Variants in TMEM132D observed in about 807,000 individuals in gnomAD.
TMEM132D encodes the protein mature OL transmembrane protein.
A neutral mutation model predicts 62.3 loss-of-function variants in TMEM132D; 21 were observed. The observed-to-expected ratio is 0.34, with a 90% CI of 0.24 to 0.49. TMEM132D has a LOEUF of 0.49. Among genes scored for constraint, TMEM132D ranks in the 20% least tolerant of loss-of-function variants. The pLI is 0.99. For synonymous variants in TMEM132D, 621 were observed against 575.6 expected (o/e 1.08, Z -1.13); for missense variants, 1,346 against 1,402.8 (o/e 0.96, Z 0.65).
chr12:129,217,148 C>T (rs1380756216), intron 4 of TMEM132D, among the ~76,000 whole-genome samples: 1 of 152,094 alleles, frequency 6.6e-6, no homozygotes, highest in Non-Finnish European at 1.5e-5. Context: ...GTAATGTGAG[C>T]TGCATCAACT....
At chr12:129,348,654 G>C (rs1323699840) in intron 3 of TMEM132D, among the ~76,000 whole-genome samples, 1 of 152,136 alleles carries the variant, frequency 6.6e-6, no homozygotes, top group Admixed American at 6.5e-5. Context: ...CAAACCATAA[G>C]GCACATGCTT....
intron 2 of TMEM132D, among the ~76,000 whole-genome samples, chr12:129,664,277 GA>G (rs1235691651): frequency 6.6e-6 from 1 of 152,188 alleles, no homozygotes; most frequent in Admixed American, 6.5e-5. Flanking sequence ...TTGGGCAAGT[GA>G]AGAATCCCAC....
chr12:129,158,836 C>A (rs946793660), intron 5 of TMEM132D, among the ~76,000 whole-genome samples: 5 of 152,210 alleles, frequency 3.3e-5, no homozygotes, highest in Non-Finnish European at 7.3e-5. Context: ...ACTCACAGTT[C>A]TGCATGGCTG....
At chr12:129,364,098 A>C (rs995254641) in intron 3 of TMEM132D, among the ~76,000 whole-genome samples, 35 of 152,218 alleles carry the variant, frequency 2.3e-4, no homozygotes, top group African/African-American at 8.4e-4. Context: ...GTTCATCATG[A>C]ACACTCTCCA....
At chr12:129,403,986 A>G (rs563067235) in intron 3 of TMEM132D, among the ~76,000 whole-genome samples, 22 of 152,168 alleles carry the variant, frequency 1.4e-4, no homozygotes, top group Middle Eastern at 3.4e-3. Flanking sequence ...GCATGGAGAG[A>G]AATGAGAAAA....
chr12:129,149,173 A>G, intron 5 of TMEM132D, among the ~76,000 whole-genome samples: 1 of 151,654 alleles, frequency 6.6e-6, no homozygotes, highest in East Asian at 1.9e-4. Flanking sequence ...TGGGAGTTGA[A>G]CAATGAGAAC....
chr12:129,202,742 C>T (rs527987532), intron 5 of TMEM132D, among the ~76,000 whole-genome samples: 1 of 152,246 alleles, frequency 6.6e-6, no homozygotes, highest in East Asian at 1.9e-4. Flanking sequence ...CCTCCTATTT[C>T]CCTTCCTCAT....
intron 1 of TMEM132D, among the ~76,000 whole-genome samples, chr12:129,823,511 G>C (rs1207737460): frequency 6.6e-6 from 1 of 152,242 alleles, no homozygotes; most frequent in Non-Finnish European, 1.5e-5. Flanking sequence ...GGCCAGCCTT[G>C]CCAGCAGCCT....
intron 2 of TMEM132D, among the ~76,000 whole-genome samples, chr12:129,662,812 A>AAATAG (rs1555224287): frequency 8.5e-4 from 71 of 83,422 alleles, no homozygotes; most frequent in African/African-American, 3.5e-3. Flanking sequence ...AAAAAAAAAA[A>AAATAG]AGAGAGAGAG....
At chr12:129,289,547 T>TTA (rs1555244915) in intron 4 of TMEM132D, among the ~76,000 whole-genome samples, 1 of 92,198 alleles carries the variant, frequency 1.1e-5, no homozygotes. Flanking sequence ...TCCATCTCAA[T>TTA]AAAAAAAAAA....
chr12:129,553,909 T>C (rs972119391), intron 2 of TMEM132D, among the ~76,000 whole-genome samples: 5 of 152,206 alleles, frequency 3.3e-5, no homozygotes, highest in African/African-American at 9.6e-5. Context: ...TTCCCATGCT[T>C]TGCGTATGTC....
At chr12:129,235,741 G>A (rs1370589355) in intron 4 of TMEM132D, among the ~76,000 whole-genome samples, 1 of 152,110 alleles carries the variant, frequency 6.6e-6, no homozygotes, top group African/African-American at 2.4e-5. Flanking sequence ...GGAAGTTTAT[G>A]TAACTTTTAA....
intron 4 of TMEM132D, among the ~76,000 whole-genome samples, chr12:129,321,563 T>G (rs78600823): frequency 3.2e-4 from 43 of 135,150 alleles, no homozygotes; most frequent in African/African-American, 1.4e-3. Flanking sequence ...AGATCTTTTC[T>G]TTTTTTTTTT....
intron 1 of TMEM132D, among the ~76,000 whole-genome samples, chr12:129,879,579 A>C (rs952051712): frequency 2.6e-5 from 4 of 152,222 alleles, no homozygotes; most frequent in African/African-American, 4.8e-5. Context: ...GTGCCATGCC[A>C]GGAGACGATG....
chr12:129,864,262 T>C (rs776760646), intron 1 of TMEM132D, among the ~76,000 whole-genome samples: 15 of 152,180 alleles, frequency 9.9e-5, no homozygotes, highest in Non-Finnish European at 1.8e-4. Flanking sequence ...GGCCTTGAGA[T>C]GATTCCAGAC....
intron 2 of TMEM132D, among the ~76,000 whole-genome samples, chr12:129,698,705 G>A (rs1216934079): frequency 3.9e-5 from 1 of 25,482 alleles, no homozygotes; most frequent in Non-Finnish European, 7.6e-5. Flanking sequence ...GGAGGAGAAA[G>A]GGGAGGAAAG....
intron 4 of TMEM132D, among the ~76,000 whole-genome samples, chr12:129,273,679 T>G (rs1566018799): frequency 1.3e-5 from 2 of 151,802 alleles, no homozygotes; most frequent in East Asian, 3.9e-4. Flanking sequence ...AAAAACCAGT[T>G]ACCAAATGTT....
At chr12:129,473,719 A>G (rs771275572) in intron 3 of TMEM132D, among the ~76,000 whole-genome samples, 2 of 152,318 alleles carry the variant, frequency 1.3e-5, no homozygotes, top group Admixed American at 6.5e-5. Flanking sequence ...TAGTGTAAAC[A>G]TAACTTTTCT....
At chr12:129,134,101 TTG>T (rs928193636) in intron 5 of TMEM132D, among the ~76,000 whole-genome samples, 22 of 136,674 alleles carry the variant, frequency 1.6e-4, no homozygotes, top group Admixed American at 1.6e-4. Context: ...TGTGTGTGTG[TTG>T]TGTGTCTGTG....
Sources: allele counts gnomAD v4.1 joint callset (sites outside exome capture counted in the v4.1 genomes callset), GRCh38; gene constraint gnomAD v4.1.1; transcripts MANE v1.5; gene names NCBI Gene and HGNC (gene_info 2026-07-23, HGNC 2026-07-21).